The following RALGPS1 variants were observed in gnomAD, a reference collection of about 807,000 sequenced individuals.
RALGPS1 encodes ras-specific guanine nucleotide-releasing factor RalGPS1.
In RALGPS1, 19 loss-of-function variants were observed where a neutral mutation model predicts 78.8. The ratio of observed to expected loss-of-function variants is 0.24; its 90% CI spans 0.17 to 0.35. The LOEUF is 0.35. Among genes scored for constraint, RALGPS1 ranks in the 10% least tolerant of loss-of-function variants. The pLI is 1.00. For synonymous variants in RALGPS1, 228 were observed against 256.3 expected, an observed-to-expected ratio of 0.89 and a Z score of 1.06; for missense variants, 454 against 688.3, an observed-to-expected ratio of 0.66 and a Z score of 3.81.
At chr9:127,125,836 A>G (rs954756399) in intron 8 of RALGPS1, among the ~76,000 whole-genome samples, 9 of 152,310 alleles carry the variant, frequency 5.9e-5, no homozygotes, top group Middle Eastern at 3.4e-3. Context: ...TTTTATCAGT[A>G]AATGCGTGAC....
chr9:127,074,973 A>C (rs1194141982), intron 8 of RALGPS1, among the ~76,000 whole-genome samples: 1 of 152,218 alleles, frequency 6.6e-6, no homozygotes, highest in Non-Finnish European at 1.5e-5. Flanking sequence ...GTTTCTTGTG[A>C]CATTCCCTAT....
At chr9:126,958,158 T>TATATATATATATATATATATAC (rs1345241110) in intron 1 of RALGPS1, among the ~76,000 whole-genome samples, 124 of 121,076 alleles carry the variant, frequency 1.0e-3, no homozygotes, top group Middle Eastern at 8.2e-3. Flanking sequence ...TATATATATA[T>TATATATATATATATATATATAC]ACACACACAC....
chr9:127,202,909 G>A (rs997321463), intron 14 of RALGPS1, among the ~76,000 whole-genome samples: 37 of 150,020 alleles, frequency 2.5e-4, no homozygotes, highest in African/African-American at 8.6e-4. Context: ...CGGCCGCAGG[G>A]CAGCGGCCGC....
chr9:127,212,136 C>A lies in RALGPS1; in HGVS notation c.1253C>A (p.Thr418Asn), dbSNP rs528083367. ...EEMSSGLESP[T>N]GPCICSLGNS... ...GACTGGTAGTCTCTCCTCAGCCCCA[C>A]CGGCCCGTGCATCTGTTCTCTGGGG... The change falls in exon 15 of 19, where the codon ACC becomes AAC. Residue 418 changes from threonine (T) to asparagine (N), a missense_variant. Transcript: ENST00000259351. The surrounding 1 kb of genome is among the most constrained non-coding windows in gnomAD (Gnocchi z 6.0). 4 of 1,612,124 alleles carry A rather than the reference C, an allele frequency of 2.5e-6. No homozygotes were observed. Among genetic ancestry groups the A allele is most frequent in the Non-Finnish European group, 3.4e-6 (4 of 1,179,176 alleles).
chr9:127,027,745 T>C (rs2046080451), intron 4 of RALGPS1, among the ~76,000 whole-genome samples: 1 of 152,238 alleles, frequency 6.6e-6, no homozygotes, highest in African/African-American at 2.4e-5. Flanking sequence ...GCCTGCTTTG[T>C]AGTCTCAGAT....
At chr9:127,153,494 G>T (rs1001265447) in intron 8 of RALGPS1, among the ~76,000 whole-genome samples, 2 of 150,122 alleles carry the variant, frequency 1.3e-5, no homozygotes, top group African/African-American at 4.9e-5. Context: ...CAGGGCCTGT[G>T]CCTGTCTGGT....
At chr9:127,099,579 G>T (rs1011953340) in intron 8 of RALGPS1, among the ~76,000 whole-genome samples, 1 of 152,204 alleles carries the variant, frequency 6.6e-6, no homozygotes. Flanking sequence ...GACACACAGG[G>T]TCGGGGGATG....
At chr9:127,151,845 A>G (rs1339852194) in intron 8 of RALGPS1, among the ~76,000 whole-genome samples, 2 of 151,914 alleles carry the variant, frequency 1.3e-5, no homozygotes, top group Non-Finnish European at 2.9e-5. Context: ...TCAGGAAAAC[A>G]CCCTTCTCTG....
chr9:126,961,502 T>C (rs1286007310), intron 1 of RALGPS1, among the ~76,000 whole-genome samples: 1 of 152,152 alleles, frequency 6.6e-6, no homozygotes, highest in Non-Finnish European at 1.5e-5. Flanking sequence ...ACCCTGCCTT[T>C]GGTTTAAAAG....
intron 8 of RALGPS1, chr9:127,108,149 CTGAT>C (rs1454517720): frequency 3.1e-6 from 5 of 1,614,116 alleles, no homozygotes; most frequent in East Asian, 2.2e-5. Flanking sequence ...GCGATGATCT[CTGAT>C]TGGTTGTGGG....
At chr9:126,945,066 A>C (rs2037130869) in intron 1 of RALGPS1, among the ~76,000 whole-genome samples, 1 of 152,210 alleles carries the variant, frequency 6.6e-6, no homozygotes, top group Non-Finnish European at 1.5e-5. Flanking sequence ...GAGGCAGCCC[A>C]GGAGGCTCCC....
In RALGPS1 at chr9:126,952,656, A is replaced by AGTGTGTGT. The variant is rs1281535322; in HGVS notation, c.-65-9552_-65-9545dup. 2.8e-4 allele frequency among the ~76,000 whole-genome samples: 39 copies of AGTGTGTGT among 138,910 alleles called. No individual in the cohort carries two copies. In the East Asian group the frequency reaches 6.4e-3, roughly 23 times the overall value. 91.1% of individuals were successfully genotyped at this position (138,910 alleles called of 152,430 possible). A position where few individuals can be genotyped will look rare whatever the true frequency, so the allele number is the denominator to read the frequency against. On this transcript the variant is annotated intron_variant, in intron 1 of 18. Transcript: ENST00000259351. ...GAGAGAGAGAGAGAGAGAGAGAGAG[A>AGTGTGTGT]GTGTGTGTGTGTGTGTGTGTGTGTC...
intron 4 of RALGPS1, among the ~76,000 whole-genome samples, chr9:127,011,783 A>C (rs753034021): frequency 6.6e-6 from 1 of 152,164 alleles, no homozygotes; most frequent in Non-Finnish European, 1.5e-5. Flanking sequence ...GTTTGTATGT[A>C]ACAGGAAGAT....
At chr9:127,044,236 A>G (rs1157141915) in intron 5 of RALGPS1, among the ~76,000 whole-genome samples, 1 of 152,158 alleles carries the variant, frequency 6.6e-6, no homozygotes, top group Non-Finnish European at 1.5e-5. Context: ...ATCAAGTCAT[A>G]TAAAGACATG....
chr9:127,045,762 TACAC>T (rs59773981), intron 5 of RALGPS1, among the ~76,000 whole-genome samples: 7,981 of 137,002 alleles, frequency 0.058, 232 homozygotes, highest in Non-Finnish European at 0.065. Flanking sequence ...CACACACACA[TACAC>T]ACACACACAC....
chr9:127,003,118 A>G (rs1194167055), intron 4 of RALGPS1, among the ~76,000 whole-genome samples: 1 of 152,198 alleles, frequency 6.6e-6, no homozygotes, highest in Non-Finnish European at 1.5e-5. Context: ...AAACCTAGGC[A>G]TTACCATTCA....
At chr9:127,062,562 G>T (rs2049317812) in intron 7 of RALGPS1, among the ~76,000 whole-genome samples, 1 of 152,152 alleles carries the variant, frequency 6.6e-6, no homozygotes, top group South Asian at 2.1e-4. Flanking sequence ...GGTAAGGAAG[G>T]CTAAAATCAC....
intron 5 of RALGPS1, among the ~76,000 whole-genome samples, chr9:127,044,561 C>CT (rs955614810): frequency 6.6e-5 from 10 of 151,974 alleles, no homozygotes; most frequent in African/African-American, 2.2e-4. Context: ...CGGCCCGAAT[C>CT]TTTTTTTTAA....
At chr9:126,938,487 A>G (rs560696686) in intron 1 of RALGPS1, among the ~76,000 whole-genome samples, 5 of 152,260 alleles carry the variant, frequency 3.3e-5, no homozygotes, top group Admixed American at 6.5e-5. Flanking sequence ...GGTCTCTGGC[A>G]TGAGCCCAGC....
Sources: gnomAD v4.1 joint callset for allele counts (sites outside exome capture counted in the v4.1 genomes callset) on GRCh38, gnomAD v4.1.1 for gene constraint, Gnocchi (gnomAD v3.1) non-coding constraint, MANE v1.5 for transcripts, NCBI Gene and HGNC (gene_info 2026-07-23, HGNC 2026-07-21) for gene names.